The following TEX2 variants were observed in gnomAD, a reference collection of about 807,000 sequenced individuals.
TEX2 encodes the protein testis expressed 2.
A neutral mutation model predicts 106.9 loss-of-function variants in TEX2; 53 were observed. The observed-to-expected ratio is 0.50, with a 90% CI of 0.40 to 0.62. TEX2 has a LOEUF of 0.62. Among genes scored for constraint, TEX2 ranks in the 20% least tolerant of loss-of-function variants. TEX2 has a pLI of 0.00. For missense variants in TEX2, 1,207 were observed against 1,379.0 expected (o/e 0.88, Z 1.98); for synonymous variants, 523 against 534.8 (o/e 0.98, Z 0.30).
intron 4 of TEX2, 55 bp downstream of exon 4, chr17:64,193,504 A>T (rs2032367306): frequency 1.5e-6 from 2 of 1,326,432 alleles, no homozygotes; most frequent in Non-Finnish European, 2.0e-6. Context: ...TTCTTTCTCT[A>T]TTCTCCCTAG....
rs1315077950 is a variant in TEX2 at position 64,214,016 on chromosome 17, C to A, written c.202G>T (p.Gly68Trp). The A allele has an allele frequency of 6.2e-7, 1 of 1,614,100 alleles. No homozygotes were observed. The stretch of plus-strand genomic sequence containing the variant: ...TAGAGGTCTTCCTTGGCTTCCAGCC[C>A]TGTTACAATGCTTTGGTCATCCAGC... ...EGLDDQSIVT[G>W]LEAKEDLYLE... The change falls in exon 2 of 12, where the codon GGG becomes TGG. Residue 68 changes from glycine (G) to tryptophan (W), a missense_variant. By Grantham distance (184) the Gly-to-Trp change is radical. Around this residue, in one of 3 missense-constraint regions of TEX2, gnomAD observed 1,067 missense variants for 1,193.6 expected, o/e 0.89. Coordinates refer to ENST00000584379, the MANE Select transcript of TEX2 (RefSeq NM_001288732.2).
chr17:64,249,298 T>A (rs1240663299), intron 1 of TEX2, among the ~76,000 whole-genome samples: 1 of 152,054 alleles, frequency 6.6e-6, no homozygotes, highest in Non-Finnish European at 1.5e-5. Context: ...TACTTAGCAG[T>A]GTGTAGGGTG....
chr17:64,183,365 A>G (rs569633634), intron 5 of TEX2, among the ~76,000 whole-genome samples: 1 of 152,268 alleles, frequency 6.6e-6, no homozygotes, highest in South Asian at 2.1e-4. Flanking sequence ...ATACCAAACT[A>G]TTTCCCACAG....
chr17:64,154,974 A>G lies in TEX2; in HGVS notation c.2805-7T>C. ...GAATGCCCGGGGCCTGCAACTGGAC[A>G]GAGAGAGAGTCACCACCACTGCCTG... On this transcript the variant is annotated splice_region_variant and splice_polypyrimidine_tract_variant and intron_variant, in intron 8 of 11. Transcript: ENST00000584379. 1 of 1,566,916 alleles carries G rather than the reference A, an allele frequency of 6.4e-7. No homozygotes were observed. Among genetic ancestry groups the G allele is most frequent in the African/African-American group, 1.4e-5 (1 of 73,578 alleles).
chr17:64,174,707 T>C (rs1293254815), intron 6 of TEX2, among the ~76,000 whole-genome samples: 3 of 152,142 alleles, frequency 2.0e-5, no homozygotes, highest in Admixed American at 1.3e-4. Context: ...GGTGCTAAGT[T>C]AGAAGCTGTA....
intron 6 of TEX2, among the ~76,000 whole-genome samples, chr17:64,175,472 T>C (rs1333568920): frequency 6.6e-6 from 1 of 152,194 alleles, no homozygotes; most frequent in East Asian, 1.9e-4. Context: ...AAACAGACTT[T>C]CCCTCAACTT....
At chr17:64,248,646 G>A (rs1257181563) in intron 1 of TEX2, among the ~76,000 whole-genome samples, 2 of 152,210 alleles carry the variant, frequency 1.3e-5, no homozygotes, top group East Asian at 3.8e-4. Context: ...CATGCCAGAT[G>A]GTAGGCTTCC....
rs1001973453 is a variant in TEX2 at position 64,147,402 on chromosome 17, C to T, written c.*1567G>A. The T allele has an allele frequency of 6.6e-6, 1 of 151,992 alleles. No homozygotes were observed. Among genetic ancestry groups the T allele is most frequent in the African/African-American group, 2.4e-5 (1 of 41,366 alleles). The allele number at this position is 151,992 out of a possible 1,614,324, so 9.4% of individuals were successfully genotyped here. A position where few individuals can be genotyped will look rare whatever the true frequency, so the allele number is the denominator to read the frequency against. On this transcript the variant is annotated 3_prime_UTR_variant, in exon 12 of 12. Transcript: ENST00000584379. Reference sequence around the variant, plus strand: ...TCATTTTATTGTGCCCCTATCTGAACAGGATTCCGTAGAAATGACTTAGAT... The same window carrying T: ...TCATTTTATTGTGCCCCTATCTGAATAGGATTCCGTAGAAATGACTTAGAT...
chr17:64,155,075 G>GT, intron 8 of TEX2, 108 bp from the exon 9 acceptor site: 1 of 1,311,102 alleles, frequency 7.6e-7, no homozygotes, highest in Non-Finnish European at 9.9e-7. Context: ...GGGTCGGGAT[G>GT]TAACTGTTAA....
chr17:64,237,729 G>C (rs1271362686), intron 1 of TEX2, among the ~76,000 whole-genome samples: 1 of 152,140 alleles, frequency 6.6e-6, no homozygotes, highest in Non-Finnish European at 1.5e-5. Context: ...ACCAAGTCTG[G>C]GAATTTGAGA....
At chr17:64,161,480 A>T (rs1169791849) in intron 7 of TEX2, among the ~76,000 whole-genome samples, 1 of 152,332 alleles carries the variant, frequency 6.6e-6, no homozygotes, top group African/African-American at 2.4e-5. Flanking sequence ...AAAAACGTTT[A>T]AGACCTTCCT....
At chr17:64,231,500 G>A (rs1200625220) in intron 1 of TEX2, among the ~76,000 whole-genome samples, 1 of 152,186 alleles carries the variant, frequency 6.6e-6, no homozygotes, top group Non-Finnish European at 1.5e-5. Context: ...AACTAACACA[G>A]CCTCATGTGG....
chr17:64,157,985 A>C (rs2030708236), intron 8 of TEX2, among the ~76,000 whole-genome samples: 1 of 152,214 alleles, frequency 6.6e-6, no homozygotes, highest in Admixed American at 6.5e-5. Context: ...CCCTTTAACT[A>C]ACTCATTCTG....
chr17:64,234,626 G>A (rs1312141575), intron 1 of TEX2, among the ~76,000 whole-genome samples: 1 of 152,188 alleles, frequency 6.6e-6, no homozygotes, highest in Non-Finnish European at 1.5e-5. Flanking sequence ...TCTGTCGAAT[G>A]AGGACCATGA....
intron 11 of TEX2, 163 bp from the exon 12 acceptor site, chr17:64,149,254 G>A (rs1052226008): frequency 1.1e-5 from 8 of 708,656 alleles, no homozygotes; most frequent in Non-Finnish European, 1.8e-5. Context: ...ACTTTAGAAA[G>A]AGTTGAGGAA....
chr17:64,255,282 C>A (rs1397048650), intron 1 of TEX2, among the ~76,000 whole-genome samples: 3 of 152,170 alleles, frequency 2.0e-5, no homozygotes, highest in Non-Finnish European at 4.4e-5. Context: ...TTCTCATACA[C>A]AAGTCTGTAA....
chr17:64,204,114 T>C (rs903397014), intron 2 of TEX2, among the ~76,000 whole-genome samples: 2 of 152,174 alleles, frequency 1.3e-5, no homozygotes, highest in Non-Finnish European at 2.9e-5. Flanking sequence ...GTAAGATAAA[T>C]AGATCAGCAA....
intron 1 of TEX2, among the ~76,000 whole-genome samples, chr17:64,215,791 C>A (rs1190723420): frequency 6.6e-6 from 1 of 152,162 alleles, no homozygotes; most frequent in African/African-American, 2.4e-5. Flanking sequence ...TTGCTTATTT[C>A]TTTAATTTGA....
At chr17:64,249,193 A>C (rs2034045676) in intron 1 of TEX2, among the ~76,000 whole-genome samples, 1 of 152,154 alleles carries the variant, frequency 6.6e-6, no homozygotes, top group Admixed American at 6.5e-5. Context: ...AAAACAGAAA[A>C]ACATCGTTCA....
Sources: allele counts gnomAD v4.1 joint callset (sites outside exome capture counted in the v4.1 genomes callset), GRCh38; gene constraint gnomAD v4.1.1; regional missense constraint gnomAD v4.1.1; transcripts MANE v1.5; gene names NCBI Gene and HGNC (gene_info 2026-07-23, HGNC 2026-07-21).